Variants in DLGAP2 observed in about 807,000 individuals in gnomAD.
DLGAP2 encodes disks large-associated protein 2.
A neutral mutation model predicts 100.3 loss-of-function variants in DLGAP2; 26 were observed. The ratio of observed to expected loss-of-function variants is 0.26; its 90% confidence interval spans 0.19 to 0.36. DLGAP2 has a LOEUF of 0.36. DLGAP2 is among the 10% of genes least tolerant of loss of function. The probability of loss-of-function intolerance (pLI) is 1.00; values close to 1 mark genes in which losing one functional copy is unlikely to be tolerated. For missense variants in DLGAP2, 1,858 were observed against 1,453.2 expected, an observed-to-expected ratio of 1.28 and a Z score of -4.53; for synonymous variants, 886 against 630.1, an observed-to-expected ratio of 1.41 and a Z score of -6.08.
chr8:1,667,392 C>T (rs61332183), intron 8 of DLGAP2, among the ~76,000 whole-genome samples: 8,651 of 152,166 alleles, frequency 0.057, 772 homozygotes, highest in African/African-American at 0.19. Context: ...CCATGCAACT[C>T]GAGTTTGGGA....
At chr8:791,209 C>G (rs928267016) in intron 1 of DLGAP2, among the ~76,000 whole-genome samples, 2 of 152,132 alleles carry the variant, frequency 1.3e-5, no homozygotes, top group Admixed American at 6.6e-5. Flanking sequence ...CAGCCCTAAT[C>G]CTGCCACAGA....
At position 1,275,304 on chromosome 8, in the gene DLGAP2, C is replaced by A. The variant is rs541158694; in HGVS notation, c.106+16421C>A. Among the ~76,000 whole-genome samples, 3 of 151,734 alleles carry A rather than the reference C, an allele frequency of 2.0e-5. 1 individual carries two copies. In the South Asian group the frequency reaches 6.3e-4, roughly 32 times the overall value. The stretch of plus-strand genomic sequence containing the variant: ...GTGAGGCATCGTAGCTTACTAGATG[C>A]CCACAGAGCAGATAGAACCAGGTAC... On this transcript the variant is annotated intron_variant, in intron 3 of 14. Transcript: ENST00000637795.
chr8:1,357,138 G>T (rs932533979), intron 3 of DLGAP2, among the ~76,000 whole-genome samples: 1 of 152,102 alleles, frequency 6.6e-6, no homozygotes, highest in Non-Finnish European at 1.5e-5. Flanking sequence ...TGCAGAAGAC[G>T]TGTGCTCTTC....
intron 3 of DLGAP2, among the ~76,000 whole-genome samples, chr8:1,323,144 C>G (rs751999531): frequency 6.6e-5 from 10 of 151,952 alleles, no homozygotes; most frequent in Non-Finnish European, 1.3e-4. Context: ...ATTCTCCTAC[C>G]TCAGCCTCCT....
At chr8:774,075 G>C (rs553486696) in intron 1 of DLGAP2, among the ~76,000 whole-genome samples, 1 of 152,320 alleles carries the variant, frequency 6.6e-6, no homozygotes, top group South Asian at 2.1e-4. Context: ...TTGTGGTTTT[G>C]ATTTGCATTT....
chr8:1,315,848 C>T (rs34271790), intron 3 of DLGAP2, among the ~76,000 whole-genome samples: 5,996 of 71,486 alleles, frequency 0.084, no homozygotes, highest in East Asian at 0.17. Flanking sequence ...AAAAATAGAG[C>T]CTGTGCGAGT....
At chr8:1,309,949 G>T (rs1350034453) in intron 3 of DLGAP2, among the ~76,000 whole-genome samples, 4 of 151,710 alleles carry the variant, frequency 2.6e-5, no homozygotes, top group Non-Finnish European at 5.9e-5. Context: ...ACAAAAATTA[G>T]CCAGGTGTGG....
intron 1 of DLGAP2, among the ~76,000 whole-genome samples, chr8:898,428 G>A (rs1050116317): frequency 3.3e-5 from 5 of 152,222 alleles, no homozygotes; most frequent in African/African-American, 9.6e-5. Context: ...GATGTTTGGT[G>A]TGCGAGCTTT....
chr8:1,178,686 C>T (rs554436668), intron 2 of DLGAP2, among the ~76,000 whole-genome samples: 34 of 152,236 alleles, frequency 2.2e-4, no homozygotes, highest in Admixed American at 5.9e-4. Flanking sequence ...TTGGGAAGTG[C>T]ACAAAATGTA....
At chr8:1,366,533 G>GCTGAC (rs1195160076) in intron 3 of DLGAP2, among the ~76,000 whole-genome samples, 12 of 152,320 alleles carry the variant, frequency 7.9e-5, no homozygotes, top group African/African-American at 2.6e-4. Context: ...ATGTTCAGCG[G>GCTGAC]CTGACCTGGG....
intron 3 of DLGAP2, among the ~76,000 whole-genome samples, chr8:1,495,614 C>T (rs369717177): frequency 1.1e-4 from 16 of 152,348 alleles, no homozygotes; most frequent in African/African-American, 3.8e-4. Flanking sequence ...TCTGCACCTA[C>T]TGGGAAGCCT....
At chr8:1,695,264 C>A (rs59847185) in intron 13 of DLGAP2, among the ~76,000 whole-genome samples, 1 of 150,282 alleles carries the variant, frequency 6.7e-6, no homozygotes, top group Admixed American at 6.6e-5. Flanking sequence ...GGGGGCACAG[C>A]CATGCCCGGC....
At chr8:752,108 C>T (rs560752326) in intron 1 of DLGAP2, among the ~76,000 whole-genome samples, 6 of 152,322 alleles carry the variant, frequency 3.9e-5, no homozygotes, top group East Asian at 1.9e-4. Context: ...TCTCACTTGC[C>T]GCTTCGAGGT....
chr8:908,258 G>A (rs978234281), intron 2 of DLGAP2, among the ~76,000 whole-genome samples: 3 of 152,178 alleles, frequency 2.0e-5, no homozygotes, highest in Non-Finnish European at 4.4e-5. Context: ...ATAAACTTGA[G>A]TTTGTTGGTT....
At chr8:812,820 G>C (rs1481397521) in intron 1 of DLGAP2, among the ~76,000 whole-genome samples, 1 of 152,192 alleles carries the variant, frequency 6.6e-6, no homozygotes, top group African/African-American at 2.4e-5. Flanking sequence ...TTTGGAGCAT[G>C]GGAGCAGCTG....
intron 8 of DLGAP2, among the ~76,000 whole-genome samples, chr8:1,661,971 C>A (rs1798418668): frequency 6.6e-6 from 1 of 152,168 alleles, no homozygotes; most frequent in African/African-American, 2.4e-5. Context: ...AGGGGAAGAA[C>A]ACGGTCACGC....
intron 1 of DLGAP2, chr8:893,068 C>T (rs1056384818): frequency 3.3e-5 from 5 of 152,184 alleles, no homozygotes; most frequent in Non-Finnish European, 5.9e-5. Context: ...AAAGAGGCTG[C>T]CTTTGCCTTT....
At chr8:1,449,242 C>G (rs1190865830) in intron 3 of DLGAP2, among the ~76,000 whole-genome samples, 1 of 152,220 alleles carries the variant, frequency 6.6e-6, no homozygotes, top group East Asian at 1.9e-4. Context: ...TTTACACGTA[C>G]CAATGAAGTC....
intron 2 of DLGAP2, among the ~76,000 whole-genome samples, chr8:1,032,374 C>A (rs972429704): frequency 1.7e-4 from 26 of 152,254 alleles, no homozygotes; most frequent in African/African-American, 5.5e-4. Flanking sequence ...GGACCTGGCT[C>A]CCAGCGATTT....
Sources: allele counts gnomAD v4.1 joint callset (sites outside exome capture counted in the v4.1 genomes callset), GRCh38; gene constraint gnomAD v4.1.1; transcripts MANE v1.5; gene names NCBI Gene and HGNC (gene_info 2026-07-23, HGNC 2026-07-21).